HACD2: variants seen among roughly 807,000 people sequenced by gnomAD.
HACD2 encodes the protein 3-hydroxyacyl-CoA dehydratase 2.
Under a neutral mutation model 31.0 loss-of-function variants are expected in HACD2, and 15 were observed. That is an observed-to-expected ratio of 0.48 (90% CI 0.32 to 0.75). The LOEUF is 0.75. Among genes scored for constraint, HACD2 ranks in the 30% least tolerant of loss-of-function variants. The probability of loss-of-function intolerance (pLI) is 0.03; values close to 1 mark genes in which losing one functional copy is unlikely to be tolerated. For synonymous variants in HACD2, 115 were observed against 122.2 expected, an observed-to-expected ratio of 0.94 and a Z score of 0.39; for missense variants, 283 against 313.0, an observed-to-expected ratio of 0.90 and a Z score of 0.72.
At chr3:123,565,043 G>A (rs145885050) in intron 3 of HACD2, among the ~76,000 whole-genome samples, 8 of 152,268 alleles carry the variant, frequency 5.3e-5, no homozygotes, top group African/African-American at 1.7e-4. Flanking sequence ...CCATCTGACT[G>A]TGGGTTTCCT....
Position 123,563,455 on chromosome 3 carries a change from C to T in HACD2, c.292+4307G>A, listed in dbSNP as rs147203571. 1.5e-4 allele frequency among the ~76,000 whole-genome samples: 23 copies of T among 152,230 alleles called. No individual in the cohort carries two copies. The East Asian group carries it at 4.1e-3, about 27-fold the overall frequency. On this transcript the variant is annotated intron_variant, in intron 3 of 6. Transcript: ENST00000383657. ...CAGATCATGAAGAAATTTAAACCAG[C>T]AAAAGGTTTTAAGTAGGCAAATGAC... is the stretch of plus-strand genomic sequence containing the variant.
intron 2 of HACD2, among the ~76,000 whole-genome samples, chr3:123,575,212 C>T (rs906220773): frequency 4.0e-5 from 6 of 151,702 alleles, no homozygotes; most frequent in African/African-American, 7.3e-5. Context: ...TGGGCTCAAG[C>T]GATTCTCCTG....
intron 3 of HACD2, among the ~76,000 whole-genome samples, chr3:123,563,070 C>T (rs1371986307): frequency 1.3e-5 from 2 of 152,222 alleles, no homozygotes; most frequent in Non-Finnish European, 2.9e-5. Context: ...CAAACTCCTG[C>T]TAGGTACTAT....
At chr3:123,551,711 G>A (rs2056622668) in intron 3 of HACD2, among the ~76,000 whole-genome samples, 1 of 152,028 alleles carries the variant, frequency 6.6e-6, no homozygotes, top group Non-Finnish European at 1.5e-5. Context: ...AAAAGCCTTG[G>A]AATATATAAC....
rs2055795824 is a variant in HACD2 at position 123,493,717 on chromosome 3, A to G, written c.*1171T>C. The G allele has an allele frequency of 6.6e-6, 1 of 152,178 alleles. No homozygotes were observed. The highest frequency in any genetic ancestry group is 1.5e-5 in the Non-Finnish European group (1 of 68,034). 9.4% of individuals were successfully genotyped at this position (152,178 alleles called of 1,614,324 possible). A position where few individuals can be genotyped will look rare whatever the true frequency, so the allele number is the denominator to read the frequency against. On this transcript the variant is annotated 3_prime_UTR_variant, in exon 7 of 7. Transcript: ENST00000383657. ...ATGAGGATGTGACATGGATTAGACA[A>G]TGTCGGTAGTACCAAACTATTTCTT...
At chr3:123,502,004 A>T (rs2107680971) in intron 5 of HACD2, among the ~76,000 whole-genome samples, 1 of 152,352 alleles carries the variant, frequency 6.6e-6, no homozygotes, top group Non-Finnish European at 1.5e-5. Context: ...TCATGGACTC[A>T]TTAAGGTAAG....
chr3:123,519,428 T>C (rs1017224112), intron 4 of HACD2, among the ~76,000 whole-genome samples: 1 of 152,196 alleles, frequency 6.6e-6, no homozygotes, highest in Non-Finnish European at 1.5e-5. Flanking sequence ...TTGATATGGG[T>C]AAGTTTAAAA....
At chr3:123,533,435 C>A (rs543662038) in intron 3 of HACD2, among the ~76,000 whole-genome samples, 5 of 152,244 alleles carry the variant, frequency 3.3e-5, no homozygotes, top group Admixed American at 6.5e-5. Context: ...AGGCATGTGC[C>A]TGGCAGATAG....
chr3:123,510,897 C>A (rs1204471321), intron 4 of HACD2, among the ~76,000 whole-genome samples: 6 of 150,422 alleles, frequency 4.0e-5, no homozygotes, highest in African/African-American at 7.3e-5. Context: ...CAGTGCGCAA[C>A]AAGAGTTCCA....
intron 3 of HACD2, among the ~76,000 whole-genome samples, chr3:123,561,769 A>G (rs2056731819): frequency 6.6e-6 from 1 of 151,530 alleles, no homozygotes; most frequent in African/African-American, 2.4e-5. Flanking sequence ...TCTTCTTTGC[A>G]GTATTACGGA....
rs148227317 is a variant in HACD2 at position 123,529,893 on chromosome 3, GA to G, written c.293-1420del. 8.7e-3 allele frequency among the ~76,000 whole-genome samples: 1,315 copies of G among 151,956 alleles called. 17 individuals carry two copies. The highest frequency in any genetic ancestry group is 0.03 in the African/African-American group (1,230 of 41,446). On this transcript the variant is annotated intron_variant, in intron 3 of 6. Coordinates refer to ENST00000383657, the MANE Select transcript of HACD2 (RefSeq NM_198402.5). ...TTAGATGGGACAATATGCAGTTGTGGATTTCCTCTAGAAACCAATTTAAAAA... is the reference window on the plus strand; with the variant it reads ...TTAGATGGGACAATATGCAGTTGTGGTTTCCTCTAGAAACCAATTTAAAAA...
intron 3 of HACD2, among the ~76,000 whole-genome samples, chr3:123,562,854 T>C (rs1389697977): frequency 6.6e-6 from 1 of 152,224 alleles, no homozygotes; most frequent in African/African-American, 2.4e-5. Context: ...TAATGAAAAC[T>C]TTCAGAATGC....
chr3:123,582,134 C>A, intron 2 of HACD2, 78 bp downstream of exon 2: 1 of 936,992 alleles, frequency 1.1e-6, no homozygotes. Flanking sequence ...AGGGGGTATG[C>A]TACTTCAATA....
chr3:123,499,933 C>T (rs965735403), intron 6 of HACD2, among the ~76,000 whole-genome samples: 4 of 152,130 alleles, frequency 2.6e-5, no homozygotes, highest in Admixed American at 6.5e-5. Context: ...TATCCATATA[C>T]TTAAATCTTC....
intron 3 of HACD2, among the ~76,000 whole-genome samples, chr3:123,539,953 G>C (rs2056469350): frequency 8.4e-6 from 1 of 118,712 alleles, no homozygotes; most frequent in Non-Finnish European, 1.7e-5. Flanking sequence ...CAGGCATAAT[G>C]GTGTCTACCT....
chr3:123,548,991 ATGTT>A (rs546417214), intron 3 of HACD2, among the ~76,000 whole-genome samples: 293 of 149,930 alleles, frequency 2.0e-3, no homozygotes, highest in African/African-American at 7.1e-3. Context: ...ATGATCTCGT[ATGTT>A]TGTTCACTCT....
intron 4 of HACD2, among the ~76,000 whole-genome samples, chr3:123,511,521 C>T (rs1013221458): frequency 1.3e-5 from 2 of 152,084 alleles, no homozygotes; most frequent in Non-Finnish European, 2.9e-5. Context: ...TGTTGCCTAC[C>T]TCTGAAAAGG....
intron 4 of HACD2, among the ~76,000 whole-genome samples, chr3:123,514,335 T>A (rs1305637294): frequency 6.6e-6 from 1 of 152,000 alleles, no homozygotes; most frequent in Non-Finnish European, 1.5e-5. Context: ...ATGCCAATAA[T>A]TGGGGAATCT....
In HACD2 at chr3:123,567,770, C is replaced by A; in HGVS notation, c.284G>T (p.Cys95Phe). 6.7e-7 allele frequency: 1 copy of A among 1,498,120 alleles called. No homozygotes were observed. Among genetic ancestry groups the A allele is most frequent in the Non-Finnish European group, 9.0e-7 (1 of 1,113,802 alleles). The allele number at this position is 1,498,120 out of a possible 1,614,324, so 92.8% of individuals were successfully genotyped here. A position where few individuals can be genotyped will look rare whatever the true frequency, so the allele number is the denominator to read the frequency against. Residue 95 changes from cysteine (C) to phenylalanine (F), a missense_variant, in exon 3 of 7, where the codon TGT becomes TTT. Around this residue, in one of 3 missense-constraint regions of HACD2, gnomAD observed 158 missense variants for 148.3 expected, o/e 1.07. Coordinates refer to ENST00000383657, the MANE Select transcript of HACD2 (RefSeq NM_198402.5). Reference protein sequence around the residue: ...QTGALLEILHCAIGIVPSSVV... With the variant: ...QTGALLEILHFAIGIVPSSVV... ...GGAATATCCATACTTACCTATAGCA[C>A]AATGTAAAATCTAGAGGAAAAAAGG...
Sources: allele counts gnomAD v4.1 joint callset (sites outside exome capture counted in the v4.1 genomes callset), GRCh38; gene constraint gnomAD v4.1.1; regional missense constraint gnomAD v4.1.1; transcripts MANE v1.5; gene names NCBI Gene and HGNC (gene_info 2026-07-23, HGNC 2026-07-21).